The following ESYT1 variants were observed in gnomAD, a reference collection of about 807,000 sequenced individuals.
ESYT1 encodes extended synaptotagmin-1.
A neutral mutation model predicts 154.2 loss-of-function variants in ESYT1; 116 were observed. The ratio of observed to expected loss-of-function variants is 0.75; its 90% CI spans 0.65 to 0.88. ESYT1 has a LOEUF of 0.88. Among genes scored for constraint, ESYT1 ranks in the 40% least tolerant of loss-of-function variants. The pLI is 0.00. For synonymous variants in ESYT1, 500 were observed against 539.9 expected (o/e 0.93, Z 1.02); for missense variants, 1,264 against 1,379.3 (o/e 0.92, Z 1.32).
chr12:56,132,385 G>A, intron 8 of ESYT1, 36 bp from the exon 9 acceptor site: 1 of 1,613,958 alleles, frequency 6.2e-7, no homozygotes, highest in Middle Eastern at 1.6e-4. Flanking sequence ...CCCTTGCTGG[G>A]TCCTTAGTTT....
rs769938962 is a variant in ESYT1 at position 56,133,776 on chromosome 12, C to T, written c.1381-5C>T. On this transcript the variant is annotated splice_polypyrimidine_tract_variant and splice_region_variant and intron_variant, in intron 12 of 30. Coordinates refer to ENST00000394048, the MANE Select transcript of ESYT1 (RefSeq NM_015292.3). ...CAAGATCTGACTACTACCACCCCTC[C>T]CCAGGTTCTACAGTGGAATTGGGGA... The T allele has an allele frequency of 7.4e-6, 12 of 1,614,006 alleles. No homozygotes were observed. In the Admixed American group the frequency reaches 1.2e-4, roughly 16 times the overall value.
intron 24 of ESYT1, among the ~76,000 whole-genome samples, chr12:56,141,550 C>G (rs187866280): frequency 1.3e-4 from 20 of 152,218 alleles, no homozygotes; most frequent in Non-Finnish European, 2.1e-4. Context: ...ACCATCCTGG[C>G]TAACACGGTG....
intron 1 of ESYT1, among the ~76,000 whole-genome samples, chr12:56,129,034 C>G (rs527562165): frequency 1.3e-5 from 2 of 152,332 alleles, no homozygotes; most frequent in South Asian, 4.1e-4. Context: ...CCATCTTGAA[C>G]GTCCCTCTTG....
In ESYT1 at chr12:56,130,824, T is replaced by C. The variant is rs200688042; in HGVS notation, c.466T>C (p.Tyr156His). ...CCAGGTCTGGCCCTTCCTGGGCCAGTATATGGAGAAGCTTCTGGCTGAAAC... is the reference window on the plus strand; with the variant it reads ...CCAGGTCTGGCCCTTCCTGGGCCAGCATATGGAGAAGCTTCTGGCTGAAAC... ...VAQVWPFLGQYMEKLLAETVA... is the reference protein window; with the variant it reads ...VAQVWPFLGQHMEKLLAETVA... Residue 156 changes from tyrosine to histidine, a missense_variant, in exon 3 of 31, where the codon TAT (tyrosine) becomes CAT (histidine). By Grantham distance (83) the Tyr-to-His change is moderately conservative (BLOSUM62 2). Coordinates refer to ENST00000394048, the MANE Select transcript of ESYT1 (RefSeq NM_015292.3). 12 of 1,613,878 alleles carry C rather than the reference T, an allele frequency of 7.4e-6. No individual in the cohort carries two copies. Among genetic ancestry groups the C allele is most frequent in the Non-Finnish European group, 9.3e-6 (11 of 1,180,032 alleles).
At position 56,143,560 on chromosome 12, in the gene ESYT1, C is replaced by T. The variant is rs1870802545; in HGVS notation, c.3226-20C>T. The T allele has an allele frequency of 6.2e-7, 1 of 1,613,794 alleles. No homozygotes were observed. The highest frequency in any genetic ancestry group is 1.3e-5 in the African/African-American group (1 of 74,882). ...AAAATAAAAGAAATAACATCTTTCC[C>T]CTATCATCTTCCAACACAGGTGCAG... On this transcript the variant is annotated intron_variant, in intron 29 of 30. Transcript: ENST00000394048.
chr12:56,130,818 G>A lies in ESYT1; in HGVS notation c.460G>A (p.Gly154Ser). 1.2e-6 allele frequency: 2 copies of A among 1,614,010 alleles called. No homozygotes were observed. The highest frequency in any genetic ancestry group is 2.2e-5 in the South Asian group (2 of 91,064). The change falls in exon 3 of 31, where the codon GGC (glycine) becomes AGC (serine). Residue 154 changes from glycine (G) to serine (S), a missense_variant. Physicochemically the swap from Gly to Ser is moderately conservative, Grantham distance 56 (BLOSUM62 0). Transcript: ENST00000394048. Reference sequence around the variant, plus strand: ...TGTGGCCCAGGTCTGGCCCTTCCTGGGCCAGTATATGGAGAAGCTTCTGGC... The same window carrying A: ...TGTGGCCCAGGTCTGGCCCTTCCTGAGCCAGTATATGGAGAAGCTTCTGGC... ...KIVAQVWPFLGQYMEKLLAET... is the reference protein window; with the variant it reads ...KIVAQVWPFLSQYMEKLLAET...
chr12:56,133,946 T>A, intron 13 of ESYT1, 73 bp downstream of exon 13: 3 of 1,554,156 alleles, frequency 1.9e-6, no homozygotes, highest in South Asian at 2.2e-5. Context: ...GATGCAAATG[T>A]CCCTGCCTGC....
At chr12:56,143,744 G>A (rs1450810815) in intron 30 of ESYT1, 79 bp from the exon 31 acceptor site, 1 of 1,610,610 alleles carries the variant, frequency 6.2e-7, no homozygotes, top group Non-Finnish European at 8.5e-7. Flanking sequence ...CTATCAAGTA[G>A]AGAAGCCCTT....
intron 17 of ESYT1, 21 bp from the exon 18 acceptor site, chr12:56,137,478 A>T (rs758612139): frequency 3.4e-5 from 54 of 1,607,354 alleles, no homozygotes; most frequent in Non-Finnish European, 4.6e-5. Flanking sequence ...GCCATCTGGC[A>T]CCCCCCCGTC....
At chr12:56,135,776 C>T (rs1178685797) in intron 15 of ESYT1, among the ~76,000 whole-genome samples, 1 of 151,628 alleles carries the variant, frequency 6.6e-6, no homozygotes, top group Non-Finnish European at 1.5e-5. Flanking sequence ...CCTGTAATCC[C>T]AGCTACTTGG....
At chr12:56,139,085 A>G (rs1870585161) in intron 24 of ESYT1, 72 bp downstream of exon 24, 2 of 1,134,048 alleles carry the variant, frequency 1.8e-6, no homozygotes, top group Non-Finnish European at 2.7e-6. Flanking sequence ...GGCACAGAGC[A>G]TTCAGAGATG....
Position 56,143,974 on chromosome 12 carries a change from T to G in ESYT1, c.*112T>G. On this transcript the variant is annotated 3_prime_UTR_variant, in exon 31 of 31. Transcript: ENST00000394048. ...GGTCCAAGGGCAGAGCCTGTGCCCT[T>G]CAGCCCTTTCACCTAACAGGCCCAT... 1 of 1,586,246 alleles carries G rather than the reference T, an allele frequency of 6.3e-7. No homozygotes were observed. Among genetic ancestry groups the G allele is most frequent in the Non-Finnish European group, 8.5e-7 (1 of 1,170,604 alleles).
At chr12:56,143,398 C>T (rs1200904191) in intron 29 of ESYT1, 65 bp downstream of exon 29, 4 of 1,557,770 alleles carry the variant, frequency 2.6e-6, no homozygotes, top group Non-Finnish European at 3.5e-6. Flanking sequence ...GGTTATAGTC[C>T]CTGTGAGGAA....
chr12:56,144,264 A>G lies in ESYT1; in HGVS notation c.*402A>G. 9.3e-7 allele frequency: 1 copy of G among 1,075,448 alleles called. No homozygotes were observed. Among genetic ancestry groups the G allele is most frequent in the Non-Finnish European group, 1.1e-6 (1 of 883,440 alleles). The allele number at this position is 1,075,448 out of a possible 1,614,324, so 66.6% of individuals were successfully genotyped here. A position where few individuals can be genotyped will look rare whatever the true frequency, so the allele number is the denominator to read the frequency against. On this transcript the variant is annotated 3_prime_UTR_variant, in exon 31 of 31. Transcript: ENST00000394048. The stretch of plus-strand genomic sequence containing the variant: ...CTAGATGGTCACCTTCTTCCCTACC[A>G]CACATGGGTGGGAAGGTGGACAGGC...
chr12:56,133,889 T>A lies in ESYT1; in HGVS notation c.1473+16T>A, dbSNP rs376433855. 1.6e-5 allele frequency: 25 copies of A among 1,611,944 alleles called. No homozygotes were observed. The East Asian group carries it at 2.2e-4, about 14-fold the overall frequency. On this transcript the variant is annotated intron_variant, in intron 13 of 30. Transcript: ENST00000394048. ...GGATCTTCCTGTGAGTTTGGCTGGG[T>A]GAACAGGAGCCCTGGATGTAACATT...
chr12:56,134,082 G>A lies in ESYT1; in HGVS notation c.1474-28G>A, dbSNP rs374606057. The stretch of plus-strand genomic sequence containing the variant: ...AAACCAAAACCGAATCCCCCAAGAT[G>A]GTGACCTCTGAATTGTACCCACCAC... On this transcript the variant is annotated intron_variant, in intron 13 of 30. Coordinates refer to ENST00000394048, the MANE Select transcript of ESYT1 (RefSeq NM_015292.3). 142 of 1,613,386 alleles carry A rather than the reference G, an allele frequency of 8.8e-5. No individual in the cohort carries two copies. The highest frequency in any genetic ancestry group is 1.2e-4 in the Non-Finnish European group (139 of 1,179,738).
In ESYT1 at chr12:56,137,413, C is replaced by T. The variant is rs200160656; in HGVS notation, c.1938+40C>T. ...GGAAAGGACTAGGGTCTGTTTGCCC[C>T]GCTAAGTATGCAAAGCCTGTTTCAG... On this transcript the variant is annotated intron_variant, in intron 17 of 30. Coordinates refer to ENST00000394048, the MANE Select transcript of ESYT1 (RefSeq NM_015292.3). 1.4e-3 allele frequency: 2,318 copies of T among 1,612,984 alleles called. 5 individuals are homozygous for T. The highest frequency in any genetic ancestry group is 1.8e-3 in the Non-Finnish European group (2,080 of 1,179,198).
At position 56,137,630 on chromosome 12, in the gene ESYT1, T is replaced by C. The variant is rs1418214206; in HGVS notation, c.2070T>C (p.His690=). The C allele has an allele frequency of 3.7e-6, 6 of 1,614,098 alleles. No individual in the cohort carries two copies. Among genetic ancestry groups the C allele is most frequent in the South Asian group, 1.1e-5 (1 of 91,080 alleles). ...LKLAGRSFRS[H]VVREDLNPRW... ...TGGCAGGACGAAGCTTCCGGAGCCA[T>C]GTTGTTCGGGAAGATCTCAATCCCC... Residue 690 remains histidine (H), a synonymous_variant, in exon 18 of 31, where the codon CAT becomes CAC. Coordinates refer to ENST00000394048, the MANE Select transcript of ESYT1 (RefSeq NM_015292.3).
At position 56,143,168 on chromosome 12, in the gene ESYT1, G is replaced by C; in HGVS notation, c.3119+20G>C. The C allele has an allele frequency of 1.2e-6, 2 of 1,614,186 alleles. No individual in the cohort carries two copies. The highest frequency in any genetic ancestry group is 1.7e-6 in the Non-Finnish European group (2 of 1,180,026). ...TGAACGGTCAGTCAGTGGGCATTCAGGTGGAGAGATGGCAGGCTTGGAAAG... is the reference window on the plus strand; with the variant it reads ...TGAACGGTCAGTCAGTGGGCATTCACGTGGAGAGATGGCAGGCTTGGAAAG... On this transcript the variant is annotated intron_variant, in intron 28 of 30. Transcript: ENST00000394048.
Sources: allele counts gnomAD v4.1 joint callset (sites outside exome capture counted in the v4.1 genomes callset), GRCh38; gene constraint gnomAD v4.1.1; transcripts MANE v1.5; gene names NCBI Gene and HGNC (gene_info 2026-07-23, HGNC 2026-07-21).